The following ACTR3C variants were observed in gnomAD, a reference collection of about 807,000 sequenced individuals.
The protein encoded by ACTR3C is actin-related protein 3C.
A neutral mutation model predicts 26.3 loss-of-function variants in ACTR3C; 18 were observed. The observed-to-expected ratio is 0.68, with a 90% CI of 0.47 to 1.01. ACTR3C has a LOEUF of 1.01. Among genes scored for constraint, ACTR3C ranks in the 50% least tolerant of loss-of-function variants. The probability of loss-of-function intolerance (pLI) is 0.00; values close to 1 mark genes in which losing one functional copy is unlikely to be tolerated. For missense variants in ACTR3C, 184 were observed against 250.7 expected (o/e 0.73, Z 1.80); for synonymous variants, 55 against 94.5 (o/e 0.58, Z 2.42).
At chr7:149,943,411 G>T in the ACTR3C span, among the ~76,000 whole-genome samples, 1 of 151,502 alleles carries the variant, frequency 6.6e-6, no homozygotes, top group East Asian at 1.9e-4. Context: ...TGAAATGGCT[G>T]ATTTAACAAG....
At chr7:150,220,969 C>A in the ACTR3C span, among the ~76,000 whole-genome samples, 1 of 152,292 alleles carries the variant, frequency 6.6e-6, no homozygotes, top group African/African-American at 2.4e-5. Context: ...GCCAAATCTT[C>A]CCGGGATGGT....
chr7:150,112,273 G>A, the ACTR3C span, among the ~76,000 whole-genome samples: 2 of 152,174 alleles, frequency 1.3e-5, no homozygotes, highest in African/African-American at 4.8e-5. Flanking sequence ...CCTCAAAAAA[G>A]GGTGGATGAG....
intron 6 of ACTR3C, 94 bp from the exon 7 acceptor site, chr7:150,249,148 C>T (rs1832658596): frequency 2.3e-6 from 1 of 439,326 alleles, no homozygotes; most frequent in Non-Finnish European, 4.1e-6. Flanking sequence ...CAAGATAAAA[C>T]AGAAAAATGT....
chr7:150,013,964 T>G, the ACTR3C span, among the ~76,000 whole-genome samples: 1 of 152,136 alleles, frequency 6.6e-6, no homozygotes. Context: ...GGAAAGACAC[T>G]GGGTATTCTG....
the ACTR3C span, among the ~76,000 whole-genome samples, chr7:150,141,825 T>C: frequency 6.6e-6 from 1 of 151,564 alleles, no homozygotes; most frequent in Non-Finnish European, 1.5e-5. Flanking sequence ...TGCCAAGCAG[T>C]TCTTGAGGGT....
chr7:149,887,996 C>CT, the ACTR3C span, among the ~76,000 whole-genome samples: 4 of 151,086 alleles, frequency 2.6e-5, no homozygotes, highest in East Asian at 3.9e-4. Flanking sequence ...CCAATTAAAT[C>CT]TTTTTTTTTC....
At chr7:149,937,944 C>T in the ACTR3C span, among the ~76,000 whole-genome samples, 7 of 152,110 alleles carry the variant, frequency 4.6e-5, no homozygotes, top group East Asian at 1.9e-4. Context: ...CCAGTCCCAG[C>T]GGGGAATGGG....
chr7:149,928,300 G>A, the ACTR3C span, among the ~76,000 whole-genome samples: 14 of 149,144 alleles, frequency 9.4e-5, no homozygotes, highest in African/African-American at 2.5e-4. Context: ...TGGTTCAAGC[G>A]ATCCTCCTGC....
At chr7:149,976,068 G>T in the ACTR3C span, among the ~76,000 whole-genome samples, 1 of 152,154 alleles carries the variant, frequency 6.6e-6, no homozygotes, top group Admixed American at 6.5e-5. Flanking sequence ...AATTTCACAA[G>T]AATTTCCTTC....
the ACTR3C span, among the ~76,000 whole-genome samples, chr7:150,032,672 T>C: frequency 6.7e-6 from 1 of 148,736 alleles, no homozygotes; most frequent in Non-Finnish European, 1.5e-5. Context: ...CAGAAAGAGT[T>C]TTGGGAATAT....
At position 150,289,548 on chromosome 7, in the gene ACTR3C, C is replaced by T. The variant is rs533258287; in HGVS notation, c.199G>A (p.Ala67Thr). 29 of 1,602,980 alleles carry T rather than the reference C, an allele frequency of 1.8e-5. No homozygotes were observed. In the East Asian group the frequency reaches 4.7e-4, roughly 26 times the overall value. Reference protein sequence around the residue: ...IGSCIKHIPIAGRDITYFIQQ... With the variant: ...IGSCIKHIPITGRDITYFIQQ... ...ATGAAATACGTAATATCTCTACCTG[C>T]AATCGGGATGTGTTTGATGCAGCTT... The change falls in exon 4 of 8, where the codon GCA becomes ACA. Residue 67 changes from alanine (A) to threonine (T), a missense_variant. Ala to Thr is a moderately conservative substitution (Grantham distance 58). Coordinates refer to ENST00000683684, the MANE Select transcript of ACTR3C (RefSeq NM_001164458.2).
At chr7:150,179,078 C>CT in the ACTR3C span, among the ~76,000 whole-genome samples, 2 of 147,716 alleles carry the variant, frequency 1.4e-5, no homozygotes, top group Non-Finnish European at 2.9e-5. Flanking sequence ...AGAAAGAAAT[C>CT]TTTTTTTCCC....
chr7:149,888,048 G>A, the ACTR3C span, among the ~76,000 whole-genome samples: 8 of 152,094 alleles, frequency 5.3e-5, no homozygotes, highest in Non-Finnish European at 1.2e-4. Flanking sequence ...TGTGAAAACA[G>A]ACTAATACAG....
chr7:150,322,905 T>C (rs1585033785), intron 1 of ACTR3C: 2 of 152,256 alleles, frequency 1.3e-5, no homozygotes, highest in East Asian at 3.9e-4. Flanking sequence ...TGGATCCTTA[T>C]CGTCTTTGTG....
chr7:149,950,380 T>G, the ACTR3C span, among the ~76,000 whole-genome samples: 80,830 of 144,876 alleles, frequency 0.56, 24,278 homozygotes, highest in African/African-American at 0.58. Flanking sequence ...TCAGCGAGGG[T>G]TGGTTGCCAG....
chr7:150,125,703 T>C, the ACTR3C span, among the ~76,000 whole-genome samples: 292 of 152,148 alleles, frequency 1.9e-3, no homozygotes, highest in East Asian at 2.7e-3. Flanking sequence ...ATTTATGTCT[T>C]ATGGGTACTC....
the ACTR3C span, among the ~76,000 whole-genome samples, chr7:150,217,642 CAGG>C: frequency 6.6e-6 from 1 of 151,674 alleles, no homozygotes; most frequent in Non-Finnish European, 1.5e-5. Context: ...ACTATCACTT[CAGG>C]AGGTTTCCTC....
the ACTR3C span, among the ~76,000 whole-genome samples, chr7:150,046,716 C>G: frequency 0.011 from 1,645 of 144,296 alleles, 20 homozygotes; most frequent in South Asian, 0.023. Flanking sequence ...CTTCTAAGTC[C>G]TAGCAGCCCT....
At chr7:149,998,176 A>T in the ACTR3C span, among the ~76,000 whole-genome samples, 1 of 151,122 alleles carries the variant, frequency 6.6e-6, no homozygotes, top group Admixed American at 6.6e-5. Context: ...AAGCAGAGCC[A>T]ATCCCTGGAG....
Sources: gnomAD v4.1 joint callset for allele counts (sites outside exome capture counted in the v4.1 genomes callset) on GRCh38, gnomAD v4.1.1 for gene constraint, MANE v1.5 for transcripts, NCBI Gene and HGNC (gene_info 2026-07-23, HGNC 2026-07-21) for gene names.